Variants in DEUP1 observed in about 807,000 individuals in gnomAD.
The protein encoded by DEUP1 is coiled-coil domain containing 67.
Under a neutral mutation model 87.4 loss-of-function variants are expected in DEUP1, and 82 were observed. The ratio of observed to expected loss-of-function variants is 0.94; its 90% CI spans 0.78 to 1.13. The LOEUF (loss-of-function observed/expected upper bound fraction) is 1.13, where lower values mean the gene tolerates loss of function less well. Among genes scored for constraint, DEUP1 ranks in the 50% most tolerant of loss-of-function variants. The pLI, the probability that DEUP1 is intolerant of heterozygous loss-of-function variation, is 0.00. For missense variants in DEUP1, 663 were observed against 681.5 expected (o/e 0.97, Z 0.30); for synonymous variants, 214 against 222.7 (o/e 0.96, Z 0.35).
chr11:93,386,430 C>T (rs995092116), intron 8 of DEUP1, among the ~76,000 whole-genome samples: 1 of 152,178 alleles, frequency 6.6e-6, no homozygotes, highest in Non-Finnish European at 1.5e-5. Flanking sequence ...CATTGATGCT[C>T]TTATTCTCAT....
intron 7 of DEUP1, among the ~76,000 whole-genome samples, chr11:93,378,743 C>G (rs1460211430): frequency 6.6e-6 from 1 of 152,056 alleles, no homozygotes; most frequent in African/African-American, 2.4e-5. Context: ...GGCTGTTGTT[C>G]AGACTCTTTT....
rs550891575 is a variant in DEUP1 at position 93,356,905 on chromosome 11, C to A, written c.202-43C>A. ...TTGCACATTTTCTGATTTTGTCAGG[C>A]AAAATTTAGAAAAAGCAAAATTAAA... On this transcript the variant is annotated intron_variant, in intron 3 of 13. Transcript: ENST00000298050. 1.9e-3 allele frequency: 2,450 copies of A among 1,312,760 alleles called. 60 individuals carry two copies. In the South Asian group the frequency reaches 0.031, roughly 17 times the overall value. The allele number at this position is 1,312,760 out of a possible 1,614,324, so 81.3% of individuals were successfully genotyped here. A position where few individuals can be genotyped will look rare whatever the true frequency, so the allele number is the denominator to read the frequency against.
intron 7 of DEUP1, among the ~76,000 whole-genome samples, chr11:93,380,068 C>T (rs1264751523): frequency 1.3e-5 from 2 of 152,130 alleles, no homozygotes; most frequent in Non-Finnish European, 2.9e-5. Context: ...CATGTTTGGT[C>T]ACCACAACAA....
intron 10 of DEUP1, 49 bp downstream of exon 10, chr11:93,394,705 G>A: frequency 7.9e-7 from 1 of 1,262,564 alleles, no homozygotes. Flanking sequence ...TTCTTGCTCA[G>A]TGCCAATAGT....
At chr11:93,428,924 A>C (rs1437122149) in intron 13 of DEUP1, among the ~76,000 whole-genome samples, 1 of 152,194 alleles carries the variant, frequency 6.6e-6, no homozygotes, top group Non-Finnish European at 1.5e-5. Context: ...TATTATGGTC[A>C]GTGTGTAGTA....
chr11:93,407,518 A>G (rs1401311239), intron 11 of DEUP1, among the ~76,000 whole-genome samples: 1 of 152,122 alleles, frequency 6.6e-6, no homozygotes, highest in African/African-American at 2.4e-5. Context: ...AATTATATTG[A>G]TACTTTATGT....
intron 13 of DEUP1, among the ~76,000 whole-genome samples, chr11:93,416,865 C>A (rs1031664352): frequency 3.0e-4 from 45 of 152,070 alleles, no homozygotes; most frequent in African/African-American, 1.1e-3. Context: ...GGATGCAAGG[C>A]TGGTTCAATA....
chr11:93,357,168 G>A (rs1944936728), intron 4 of DEUP1, 125 bp downstream of exon 4: 2 of 627,118 alleles, frequency 3.2e-6, no homozygotes, highest in African/African-American at 1.9e-5. Flanking sequence ...TATAAGCTTG[G>A]TCATGTCTTT....
chr11:93,332,321 T>G, intron 2 of DEUP1, 33 bp downstream of exon 2: 1 of 1,554,316 alleles, frequency 6.4e-7, no homozygotes, highest in Non-Finnish European at 8.8e-7. Context: ...TTAATAAGTA[T>G]GTGCTTAACT....
intron 7 of DEUP1, among the ~76,000 whole-genome samples, chr11:93,373,627 A>ATGTG (rs1230176391): frequency 8.3e-6 from 1 of 119,886 alleles, no homozygotes; most frequent in African/African-American, 3.3e-5. Flanking sequence ...ATATATACGT[A>ATGTG]TATATATATA....
At chr11:93,391,951 T>C (rs537721728) in intron 9 of DEUP1, among the ~76,000 whole-genome samples, 20 of 152,268 alleles carry the variant, frequency 1.3e-4, no homozygotes, top group African/African-American at 4.3e-4. Context: ...TTCCTGTGAC[T>C]CTTTTTTAAA....
intron 2 of DEUP1, among the ~76,000 whole-genome samples, chr11:93,341,360 C>T (rs563363928): frequency 2.6e-5 from 4 of 152,240 alleles, no homozygotes; most frequent in South Asian, 4.1e-4. Context: ...CATTTTCTCT[C>T]GCCTCCGTCA....
At chr11:93,436,914 A>G (rs947494469) in intron 13 of DEUP1, among the ~76,000 whole-genome samples, 1 of 152,170 alleles carries the variant, frequency 6.6e-6, no homozygotes, top group African/African-American at 2.4e-5. Context: ...AATAAGCACT[A>G]AACAGGTCAC....
At chr11:93,347,634 T>C (rs889633970) in intron 2 of DEUP1, among the ~76,000 whole-genome samples, 1 of 152,214 alleles carries the variant, frequency 6.6e-6, no homozygotes, top group African/African-American at 2.4e-5. Context: ...TGTGAATCTT[T>C]CTGGTCCTGG....
chr11:93,341,580 G>A (rs1162212629), intron 2 of DEUP1, among the ~76,000 whole-genome samples: 1 of 152,140 alleles, frequency 6.6e-6, no homozygotes, highest in Admixed American at 6.6e-5. Flanking sequence ...GGGTCTTGGA[G>A]GGTCTATTGA....
chr11:93,435,597 A>G (rs1948219433), intron 13 of DEUP1, among the ~76,000 whole-genome samples: 1 of 152,170 alleles, frequency 6.6e-6, no homozygotes, highest in Non-Finnish European at 1.5e-5. Flanking sequence ...AGATTCTTCT[A>G]GTATGGGATC....
chr11:93,347,366 C>A (rs966698796), intron 2 of DEUP1, among the ~76,000 whole-genome samples: 7 of 152,172 alleles, frequency 4.6e-5, no homozygotes, highest in Non-Finnish European at 8.8e-5. Flanking sequence ...AGGGACAAAG[C>A]CTACTTGAGC....
At chr11:93,363,330 GATAAAATGGC>G (rs1286325520) in intron 4 of DEUP1, among the ~76,000 whole-genome samples, 1 of 151,792 alleles carries the variant, frequency 6.6e-6, no homozygotes, top group African/African-American at 2.4e-5. Flanking sequence ...CTATATATGT[GATAAAATGGC>G]ATAGAACTAT....
At chr11:93,405,463 T>C (rs540896837) in intron 11 of DEUP1, among the ~76,000 whole-genome samples, 2 of 152,076 alleles carry the variant, frequency 1.3e-5, no homozygotes, top group South Asian at 4.1e-4. Context: ...AAGAGCACCT[T>C]GGTCAGTAGC....
Sources: gnomAD v4.1 joint callset for allele counts (sites outside exome capture counted in the v4.1 genomes callset) on GRCh38, gnomAD v4.1.1 for gene constraint, MANE v1.5 for transcripts, NCBI Gene and HGNC (gene_info 2026-07-23, HGNC 2026-07-21) for gene names.